MAN2B2: variants seen among roughly 807,000 people sequenced by gnomAD.
The protein encoded by MAN2B2 is mannosidase alpha class 2B member 2.
A neutral mutation model predicts 117.1 loss-of-function variants in MAN2B2; 106 were observed. The observed-to-expected ratio is 0.90, with a 90% CI of 0.77 to 1.06. The LOEUF (loss-of-function observed/expected upper bound fraction) is 1.06. MAN2B2 is among the 50% of genes least tolerant of loss of function. The pLI is 0.00. For missense variants in MAN2B2, 1,326 were observed against 1,381.4 expected (o/e 0.96, Z 0.64); for synonymous variants, 544 against 595.1 (o/e 0.91, Z 1.25).
At chr4:6,602,057 C>T (rs1193686245) in intron 10 of MAN2B2, among the ~76,000 whole-genome samples, 4 of 152,202 alleles carry the variant, frequency 2.6e-5, no homozygotes, top group African/African-American at 4.8e-5. Flanking sequence ...TCCCCTCATG[C>T]ACTCGGAGGC....
intron 11 of MAN2B2, among the ~76,000 whole-genome samples, chr4:6,606,816 C>T (rs1278592134): frequency 2.0e-5 from 3 of 152,210 alleles, no homozygotes; most frequent in Non-Finnish European, 4.4e-5. Flanking sequence ...GAGGTTGCTC[C>T]ATAGGAAGGA....
intron 5 of MAN2B2, among the ~76,000 whole-genome samples, chr4:6,589,782 T>C (rs958403286): frequency 6.6e-6 from 1 of 152,268 alleles, no homozygotes; most frequent in East Asian, 1.9e-4. Flanking sequence ...GAGGATTGTT[T>C]AAAGGATGAG....
At position 6,610,828 on chromosome 4, in the gene MAN2B2, C is replaced by G; in HGVS notation, c.2260-52C>G. 16 of 1,526,524 alleles carry G rather than the reference C, an allele frequency of 1.0e-5. 1 individual carries two copies. The South Asian group carries it at 1.8e-4, about 17-fold the overall frequency. The allele number at this position is 1,526,524 out of a possible 1,614,324, so 94.6% of individuals were successfully genotyped here. On this transcript the variant is annotated intron_variant, in intron 13 of 18. Transcript: ENST00000285599. ...GGGGTGGCCAGAGGGTGATGCCTGACCTACCTTGCCCTTTGCCCCAATCGC... is the reference window on the plus strand; with the variant it reads ...GGGGTGGCCAGAGGGTGATGCCTGAGCTACCTTGCCCTTTGCCCCAATCGC...
intron 3 of MAN2B2, among the ~76,000 whole-genome samples, chr4:6,580,789 C>A (rs78773093): frequency 0.052 from 7,923 of 152,258 alleles, 726 homozygotes; most frequent in African/African-American, 0.18. Context: ...GCTGAACTGC[C>A]CTGCCCTGAG....
In MAN2B2 at chr4:6,621,262, T is replaced by G; in HGVS notation, c.3007T>G (p.Phe1003Val). The G allele has an allele frequency of 6.2e-7, 1 of 1,614,078 alleles. No individual in the cohort carries two copies. Among genetic ancestry groups the G allele is most frequent in the East Asian group, 2.2e-5 (1 of 44,852 alleles). The change falls in exon 19 of 19, where the codon TTT (phenylalanine) becomes GTT (valine). Residue 1003 changes from phenylalanine (F) to valine (V), a missense_variant. Coordinates refer to ENST00000285599, the MANE Select transcript of MAN2B2 (RefSeq NM_015274.3). ...TVHPKEIRTF[F>V]IHFQQQ ...CCACCCAAAGGAAATCCGGACGTTC[T>G]TTATTCACTTTCAACAGCAGTGAGC...
chr4:6,620,111 C>A, intron 18 of MAN2B2, 67 bp downstream of exon 18: 2 of 1,333,702 alleles, frequency 1.5e-6, no homozygotes, highest in Non-Finnish European at 2.1e-6. Flanking sequence ...TGGTCAGACC[C>A]GGTGCACATC....
At chr4:6,614,075 G>A (rs965471176) in intron 15 of MAN2B2, 143 bp from the exon 16 acceptor site, 92 of 977,078 alleles carry the variant, frequency 9.4e-5, no homozygotes, top group Non-Finnish European at 1.3e-4. Flanking sequence ...CAAACACTTT[G>A]GGCTGGTGCG....
At chr4:6,613,169 TAAG>T (rs1236903014) in intron 15 of MAN2B2, among the ~76,000 whole-genome samples, 1 of 152,164 alleles carries the variant, frequency 6.6e-6, no homozygotes, top group Admixed American at 6.5e-5. Context: ...TGGGGTATTG[TAAG>T]AAGATGGTAG....
intron 1 of MAN2B2, among the ~76,000 whole-genome samples, chr4:6,575,632 C>T (rs1389853727): frequency 1.3e-5 from 2 of 152,206 alleles, no homozygotes; most frequent in Admixed American, 6.5e-5. Context: ...ACCCATTTTC[C>T]AGGGAAGCCT....
At chr4:6,577,150 G>A (rs1252534845) in intron 2 of MAN2B2, among the ~76,000 whole-genome samples, 2 of 152,162 alleles carry the variant, frequency 1.3e-5, no homozygotes, top group Non-Finnish European at 2.9e-5. Context: ...TTTGAGGGTA[G>A]GCAGCAGGTT....
chr4:6,596,188 C>T (rs13149332), intron 7 of MAN2B2, among the ~76,000 whole-genome samples: 64,222 of 145,604 alleles, frequency 0.44, 14,272 homozygotes, highest in Middle Eastern at 0.52. Context: ...GTGGGCGTGG[C>T]GTCCAGGTGG....
At chr4:6,611,038 G>A (rs200664792) in intron 14 of MAN2B2, 48 bp downstream of exon 14, 36 of 1,612,512 alleles carry the variant, frequency 2.2e-5, no homozygotes, top group Non-Finnish European at 3.1e-5. Flanking sequence ...GCCCCCTACA[G>A]GCATGCCCAG....
chr4:6,579,138 CCAT>C (rs1726237042), intron 3 of MAN2B2, among the ~76,000 whole-genome samples: 9 of 72,612 alleles, frequency 1.2e-4, no homozygotes, highest in East Asian at 6.8e-4. Context: ...ACCACCACCA[CCAT>C]CACCACCACC....
At chr4:6,582,102 C>T (rs1013828917) in intron 3 of MAN2B2, among the ~76,000 whole-genome samples, 3 of 152,008 alleles carry the variant, frequency 2.0e-5, no homozygotes, top group South Asian at 4.1e-4. Flanking sequence ...GCCCAGCTCC[C>T]GCCTCAGAGG....
intron 12 of MAN2B2, 179 bp from the exon 13 acceptor site, chr4:6,609,619 G>T (rs1412394644): frequency 2.5e-5 from 19 of 762,566 alleles, no homozygotes; most frequent in Middle Eastern, 7.8e-4. Context: ...CGGGGAACCA[G>T]GCTGCTCCCA....
intron 11 of MAN2B2, among the ~76,000 whole-genome samples, chr4:6,607,527 C>T (rs998243893): frequency 1.3e-5 from 2 of 152,204 alleles, no homozygotes; most frequent in Non-Finnish European, 2.9e-5. Flanking sequence ...AGCATGTTTT[C>T]AAGGTTCATC....
At chr4:6,578,837 T>C (rs1206376473) in intron 3 of MAN2B2, among the ~76,000 whole-genome samples, 3 of 152,018 alleles carry the variant, frequency 2.0e-5, no homozygotes, top group East Asian at 1.9e-4. Context: ...GTTGTGAGTA[T>C]TAAATGGGAT....
At chr4:6,617,613 G>A (rs1222742094) in intron 17 of MAN2B2, 121 bp downstream of exon 17, 4 of 1,534,826 alleles carry the variant, frequency 2.6e-6, no homozygotes, top group East Asian at 4.9e-5. Flanking sequence ...CGCTGGTATG[G>A]GCCCCACCCC....
At chr4:6,588,264 G>T (rs1018978455) in intron 4 of MAN2B2, among the ~76,000 whole-genome samples, 3 of 152,304 alleles carry the variant, frequency 2.0e-5, no homozygotes, top group Non-Finnish European at 4.4e-5. Flanking sequence ...GCTGCTCCAG[G>T]CCTCTCTCCT....
Sources: gnomAD v4.1 joint callset for allele counts (sites outside exome capture counted in the v4.1 genomes callset) on GRCh38, gnomAD v4.1.1 for gene constraint, MANE v1.5 for transcripts, NCBI Gene and HGNC (gene_info 2026-07-23, HGNC 2026-07-21) for gene names.